The following SCMH1 variants were observed in gnomAD, a reference collection of about 807,000 sequenced individuals.
The protein encoded by SCMH1 is polycomb protein SCMH1.
SCMH1 carries 37 observed loss-of-function variants against 70.8 expected under a neutral mutation model. The observed-to-expected ratio is 0.52, with a 90% confidence interval of 0.40 to 0.69. SCMH1 has a LOEUF of 0.69. Ranked by LOEUF, SCMH1 falls within the 30% of genes least tolerant of loss-of-function variation. The pLI, the probability that SCMH1 is intolerant of heterozygous loss-of-function variation, is 0.00. For missense variants in SCMH1, 607 were observed against 827.3 expected (o/e 0.73, Z 3.27); for synonymous variants, 292 against 307.4 (o/e 0.95, Z 0.52).
chr1:41,152,357 T>C (rs924164984), intron 4 of SCMH1, among the ~76,000 whole-genome samples: 1 of 152,188 alleles, frequency 6.6e-6, no homozygotes, highest in Non-Finnish European at 1.5e-5. Flanking sequence ...TGTCTGATGA[T>C]AGTAAATAAG....
intron 14 of SCMH1, 131 bp from the exon 16 acceptor site, chr1:41,028,450 G>A: frequency 1.3e-6 from 2 of 1,499,886 alleles, no homozygotes; most frequent in East Asian, 2.3e-5. Context: ...TTCACCTGCT[G>A]TGATGCTGAA....
chr1:41,201,052 T>C (rs1002570047), intron 1 of SCMH1, among the ~76,000 whole-genome samples: 5 of 152,194 alleles, frequency 3.3e-5, no homozygotes, highest in African/African-American at 9.6e-5. Context: ...GAATCCTATA[T>C]AGAAAACTAT....
chr1:41,188,994 C>A (rs1650980734), intron 1 of SCMH1, among the ~76,000 whole-genome samples: 1 of 152,068 alleles, frequency 6.6e-6, no homozygotes, highest in Non-Finnish European at 1.5e-5. Flanking sequence ...TAATACTATG[C>A]CAATATGCAG....
rs138678676 is a variant in SCMH1, at chr1:41,039,731, C to T, written c.1499-2190G>A. On this transcript the variant is annotated intron_variant, in intron 12 of 14. Coordinates refer to ENST00000337495, the Ensembl canonical transcript of SCMH1. ...TCAAGTGATCTGCCCACCTCGGTCT[C>T]CCAAAGTGTTGGGATCACAGGTGTG... 5.8e-3 allele frequency among the ~76,000 whole-genome samples: 888 copies of T among 152,032 alleles called. 3 individuals are homozygous for T. Among genetic ancestry groups the T allele is most frequent in the Non-Finnish European group, 0.01 (704 of 67,966 alleles).
intron 1 of SCMH1, among the ~76,000 whole-genome samples, chr1:41,205,834 A>G (rs758266480): frequency 3.3e-5 from 5 of 152,192 alleles, no homozygotes; most frequent in Non-Finnish European, 7.3e-5. Flanking sequence ...AGAAAGGATC[A>G]GGCAGCAATA....
chr1:41,228,712 A>G (rs1324115544), intron 1 of SCMH1, among the ~76,000 whole-genome samples: 1 of 151,898 alleles, frequency 6.6e-6, no homozygotes, highest in Non-Finnish European at 1.5e-5. Context: ...ACATCACTGC[A>G]CTCAACCTGG....
intron 1 of SCMH1, among the ~76,000 whole-genome samples, chr1:41,216,019 G>C (rs1345215058): frequency 1.3e-5 from 2 of 152,298 alleles, no homozygotes; most frequent in Admixed American, 6.5e-5. Flanking sequence ...TGCCCTGAAG[G>C]TCCCTGTTAG....
At chr1:41,130,970 G>A (rs190062290) in intron 6 of SCMH1, among the ~76,000 whole-genome samples, 47 of 152,186 alleles carry the variant, frequency 3.1e-4, no homozygotes, top group African/African-American at 1.1e-3. Flanking sequence ...TTTTGGTGCT[G>A]TATTATCTAA....
In SCMH1 at chr1:41,113,384, C is replaced by A. The variant is rs914942940; in HGVS notation, c.644G>T (p.Arg215Leu). The stretch of plus-strand genomic sequence containing the variant: ...GCGGCACCAGTAGTCAAAGGCCCCT[C>A]GCCACCCATCAAAAGTGACAAGCAC... The change falls in exon 8 of 15, where the codon CGA becomes CTA. Residue 215 changes from arginine to leucine, a missense_variant. Physicochemically the swap from Arg to Leu is moderately radical, Grantham distance 102. Transcript: ENST00000337495. The surrounding 1 kb of genome is among the most constrained non-coding windows in gnomAD (Gnocchi z 4.3). The A allele has an allele frequency of 6.2e-7, 1 of 1,614,020 alleles. No individual in the cohort carries two copies. Among genetic ancestry groups the A allele is most frequent in the African/African-American group, 1.3e-5 (1 of 74,984 alleles).
chr1:41,087,290 G>A (rs1309415776), intron 8 of SCMH1, among the ~76,000 whole-genome samples: 1 of 151,900 alleles, frequency 6.6e-6, no homozygotes, highest in African/African-American at 2.4e-5. Flanking sequence ...GGAAAATATA[G>A]GTGAATTCCT....
chr1:41,239,647 T>A (rs1187904777), intron 1 of SCMH1, among the ~76,000 whole-genome samples: 1 of 152,016 alleles, frequency 6.6e-6, no homozygotes, highest in African/African-American at 2.4e-5. Context: ...CCAATTTTCT[T>A]TTCTTTTTTA....
At chr1:41,207,027 G>A (rs1035496616) in intron 1 of SCMH1, among the ~76,000 whole-genome samples, 1 of 152,160 alleles carries the variant, frequency 6.6e-6, no homozygotes, top group Non-Finnish European at 1.5e-5. Flanking sequence ...CCTTACAAGA[G>A]TTCCTGAAGA....
chr1:41,209,155 G>A (rs1345024236), intron 1 of SCMH1, among the ~76,000 whole-genome samples: 1 of 152,124 alleles, frequency 6.6e-6, no homozygotes, highest in African/African-American at 2.4e-5. Context: ...ACCCTCCCAA[G>A]ACTAAACCAG....
At chr1:41,067,059 A>C (rs1234919379) in intron 10 of SCMH1, among the ~76,000 whole-genome samples, 1 of 152,184 alleles carries the variant, frequency 6.6e-6, no homozygotes, top group Non-Finnish European at 1.5e-5. Flanking sequence ...AATTGCAAAA[A>C]CTTTGAAGCA....
intron 2 of SCMH1, among the ~76,000 whole-genome samples, chr1:41,180,978 T>C (rs1452865095): frequency 6.6e-6 from 1 of 152,190 alleles, no homozygotes; most frequent in African/African-American, 2.4e-5. Flanking sequence ...CAAAACAGCA[T>C]GGTAGTGATA....
intron 1 of SCMH1, among the ~76,000 whole-genome samples, chr1:41,202,510 T>G (rs541769624): frequency 1.2e-4 from 18 of 152,326 alleles, no homozygotes; most frequent in African/African-American, 4.3e-4. Flanking sequence ...TTTACTGTAC[T>G]TTTATATGGT....
chr1:41,070,605 C>T, exon 10 of SCMH1: 2 of 1,614,096 alleles, frequency 1.2e-6, no homozygotes. Context: ...CTGTTGGGGC[C>T]TGCATGGCTG....
At chr1:41,240,982 T>G (rs1259581132) in intron 1 of SCMH1, among the ~76,000 whole-genome samples, 1 of 152,164 alleles carries the variant, frequency 6.6e-6, no homozygotes, top group African/African-American at 2.4e-5. Flanking sequence ...AAAGTGGAAG[T>G]GAAGACTCAG....
intron 1 of SCMH1, among the ~76,000 whole-genome samples, chr1:41,202,316 G>A (rs557167190): frequency 2.1e-3 from 322 of 151,816 alleles, no homozygotes; most frequent in Non-Finnish European, 3.5e-3. Flanking sequence ...TTACAGGCAT[G>A]AGCCAACGTG....
Sources: gnomAD v4.1 joint callset for allele counts (sites outside exome capture counted in the v4.1 genomes callset) on GRCh38, gnomAD v4.1.1 for gene constraint, Gnocchi (gnomAD v3.1) non-coding constraint, MANE v1.5 for transcripts, NCBI Gene and HGNC (gene_info 2026-07-23, HGNC 2026-07-21) for gene names.